Variants in RALYL observed in about 807,000 individuals in gnomAD.
RALYL encodes RALY RNA binding protein like, also known as RNA-binding Raly-like protein.
In RALYL, 29 loss-of-function variants were observed where a neutral mutation model predicts 35.1. That is an observed-to-expected ratio of 0.83 (90% CI 0.61 to 1.13). The LOEUF (loss-of-function observed/expected upper bound fraction) is 1.13. RALYL is among the 50% of genes most tolerant of loss of function. The probability of loss-of-function intolerance (pLI) is 0.00; values close to 1 mark genes in which losing one functional copy is unlikely to be tolerated. For synonymous variants in RALYL, 120 were observed against 127.6 expected (o/e 0.94, Z 0.40); for missense variants, 359 against 360.4 (o/e 1.00, Z 0.03).
chr8:84,669,163 G>C (rs959301882), intron 2 of RALYL, among the ~76,000 whole-genome samples: 3 of 152,110 alleles, frequency 2.0e-5, no homozygotes, highest in African/African-American at 4.8e-5. Flanking sequence ...GTCTAGTGTT[G>C]GTTTTGTCAG....
chr8:84,419,669 T>G (rs1344060739), intron 1 of RALYL, among the ~76,000 whole-genome samples: 1 of 148,690 alleles, frequency 6.7e-6, no homozygotes, highest in Non-Finnish European at 1.5e-5. Context: ...TAGCATTAGG[T>G]ATATCTCCCA....
intron 1 of RALYL, among the ~76,000 whole-genome samples, chr8:84,415,222 TTTTTG>T (rs1213589684): frequency 3.3e-5 from 5 of 150,992 alleles, no homozygotes; most frequent in South Asian, 4.2e-4. Flanking sequence ...TTTTTTTGTT[TTTTTG>T]TTTTGTTTTG....
At chr8:84,401,556 T>G (rs111996489) in intron 1 of RALYL, among the ~76,000 whole-genome samples, 4,411 of 137,754 alleles carry the variant, frequency 0.032, 214 homozygotes, top group African/African-American at 0.11. Context: ...GAGAATGGCA[T>G]GAACCCGGGA....
intron 2 of RALYL, among the ~76,000 whole-genome samples, chr8:84,709,128 T>C (rs16913152): frequency 0.015 from 2,333 of 152,280 alleles, 61 homozygotes; most frequent in African/African-American, 0.053. Flanking sequence ...TGGCCAATTA[T>C]CTATTATTTC....
intron 1 of RALYL, among the ~76,000 whole-genome samples, chr8:84,198,354 G>A (rs544097073): frequency 7.5e-4 from 114 of 152,034 alleles, no homozygotes; most frequent in African/African-American, 2.6e-3. Context: ...AAATTTATTT[G>A]TATTTATTTA....
In RALYL at chr8:84,332,673, C is replaced by G. The variant is rs1295317443; in HGVS notation, c.-24+148249C>G. 2.0e-5 allele frequency among the ~76,000 whole-genome samples: 3 copies of G among 152,154 alleles called. No homozygotes were observed. In the East Asian group the frequency reaches 5.8e-4, roughly 29 times the overall value. The stretch of plus-strand genomic sequence containing the variant: ...GTACAAGTTTATAATTTTTAAACTC[C>G]TACCTATTTTCCTTTTATTGCCTGC... On this transcript the variant is annotated intron_variant, in intron 1 of 8. Coordinates refer to ENST00000521268, the MANE Select transcript of RALYL (RefSeq NM_173848.7).
At chr8:84,345,035 A>G (rs1396811621) in intron 1 of RALYL, among the ~76,000 whole-genome samples, 1 of 151,452 alleles carries the variant, frequency 6.6e-6, no homozygotes, top group Non-Finnish European at 1.5e-5. Flanking sequence ...TCCTCATGAT[A>G]TATACACCAA....
intron 8 of RALYL, among the ~76,000 whole-genome samples, chr8:84,893,550 C>T (rs1427983512): frequency 6.6e-6 from 1 of 152,158 alleles, no homozygotes; most frequent in Admixed American, 6.5e-5. Flanking sequence ...GAAAAGGCTT[C>T]TGTGAACACT....
chr8:84,563,384 A>G (rs2061583465), intron 2 of RALYL, among the ~76,000 whole-genome samples: 1 of 151,928 alleles, frequency 6.6e-6, no homozygotes, highest in South Asian at 2.1e-4. Flanking sequence ...CAGCACAAGC[A>G]TCTTCTAGGA....
intron 2 of RALYL, among the ~76,000 whole-genome samples, chr8:84,643,184 C>G (rs1417284822): frequency 6.6e-6 from 1 of 151,852 alleles, no homozygotes; most frequent in African/African-American, 2.4e-5. Flanking sequence ...CAGTTTCAAA[C>G]AGTCCCCCCA....
chr8:84,216,265 G>A (rs933616956), intron 1 of RALYL, among the ~76,000 whole-genome samples: 1 of 151,082 alleles, frequency 6.6e-6, no homozygotes, highest in African/African-American at 2.5e-5. Context: ...AATTTTGAAG[G>A]TTAACAGAAA....
At chr8:84,470,187 G>A (rs2052523802) in intron 1 of RALYL, among the ~76,000 whole-genome samples, 1 of 152,112 alleles carries the variant, frequency 6.6e-6, no homozygotes. Flanking sequence ...TTTTTTATAA[G>A]TTGTTTTTAA....
Position 84,900,673 on chromosome 8 carries a change from T to C in RALYL, c.858+12897T>C, listed in dbSNP as rs1281001006. 3.3e-5 allele frequency among the ~76,000 whole-genome samples: 5 copies of C among 151,804 alleles called. No individual in the cohort carries two copies. The East Asian group carries it at 9.7e-4, about 29-fold the overall frequency. On this transcript the variant is annotated intron_variant, in intron 8 of 8. Coordinates refer to ENST00000521268, the MANE Select transcript of RALYL (RefSeq NM_173848.7). The stretch of plus-strand genomic sequence containing the variant: ...CAGCCTGGGCAACAAGAGCGAAAGT[T>C]TGTCTTAAAAAAAAAAAAATTCTCC...
chr8:84,285,097 T>G (rs1013157985), intron 1 of RALYL, among the ~76,000 whole-genome samples: 2 of 152,176 alleles, frequency 1.3e-5, no homozygotes, highest in Non-Finnish European at 2.9e-5. Flanking sequence ...CCTAATAAGT[T>G]CATTTTTTTC....
chr8:84,590,763 C>A (rs1349199131), intron 2 of RALYL, among the ~76,000 whole-genome samples: 1 of 152,040 alleles, frequency 6.6e-6, no homozygotes, highest in African/African-American at 2.4e-5. Context: ...ATAACTATGT[C>A]GGGAAAGTTG....
chr8:84,222,419 C>A (rs10504795), intron 1 of RALYL, among the ~76,000 whole-genome samples: 2 of 151,866 alleles, frequency 1.3e-5, no homozygotes, highest in Admixed American at 1.3e-4. Context: ...AGTTTTGAGC[C>A]TGAATTAGAT....
At chr8:84,619,592 C>A (rs943426228) in intron 2 of RALYL, among the ~76,000 whole-genome samples, 1 of 147,536 alleles carries the variant, frequency 6.8e-6, no homozygotes, top group African/African-American at 2.6e-5. Context: ...AGTCCATTTA[C>A]ATTTAAAGTT....
At chr8:84,602,837 C>A (rs190101197) in intron 2 of RALYL, among the ~76,000 whole-genome samples, 5 of 152,106 alleles carry the variant, frequency 3.3e-5, no homozygotes, top group Admixed American at 6.6e-5. Flanking sequence ...ATAAGTTCAG[C>A]CTGTGATTAG....
intron 4 of RALYL, among the ~76,000 whole-genome samples, chr8:84,840,802 G>A (rs1012971692): frequency 1.3e-5 from 2 of 152,144 alleles, no homozygotes. Context: ...AAGAGAGTGG[G>A]GGCCAATATT....
Sources: gnomAD v4.1 joint callset for allele counts (sites outside exome capture counted in the v4.1 genomes callset) on GRCh38, gnomAD v4.1.1 for gene constraint, MANE v1.5 for transcripts, NCBI Gene and HGNC (gene_info 2026-07-23, HGNC 2026-07-21) for gene names.